Variants in CNTNAP5 observed in about 807,000 individuals in gnomAD.
The protein encoded by CNTNAP5 is contactin associated protein family member 5.
CNTNAP5 carries 72 observed loss-of-function variants against 150.2 expected under a neutral mutation model. The observed-to-expected ratio is 0.48, with a 90% CI of 0.40 to 0.58. CNTNAP5 has a LOEUF of 0.58. Ranked by LOEUF, CNTNAP5 falls within the 20% of genes least tolerant of loss-of-function variation. The probability of loss-of-function intolerance (pLI) is 0.00; values close to 1 mark genes in which losing one functional copy is unlikely to be tolerated. For missense variants in CNTNAP5, 1,636 were observed against 1,626.2 expected, an observed-to-expected ratio of 1.01 and a Z score of -0.10; for synonymous variants, 672 against 619.8, an observed-to-expected ratio of 1.08 and a Z score of -1.25.
intron 13 of CNTNAP5, among the ~76,000 whole-genome samples, chr2:124,736,584 G>A (rs1044033498): frequency 4.6e-5 from 7 of 152,070 alleles, no homozygotes; most frequent in Non-Finnish European, 1.0e-4. Context: ...CTCATTCTAT[G>A]CCACACTTAT....
intron 1 of CNTNAP5, among the ~76,000 whole-genome samples, chr2:124,183,453 A>C (rs370855614): frequency 2.0e-4 from 31 of 152,214 alleles, no homozygotes; most frequent in African/African-American, 5.3e-4. Context: ...GTTGAGAATG[A>C]GATGTATATT....
chr2:124,430,165 G>A (rs955094160), intron 4 of CNTNAP5, among the ~76,000 whole-genome samples: 1 of 152,088 alleles, frequency 6.6e-6, no homozygotes, highest in African/African-American at 2.4e-5. Context: ...GGTGGGAACC[G>A]ACAGATGAGC....
intron 3 of CNTNAP5, among the ~76,000 whole-genome samples, chr2:124,284,858 G>T (rs990275693): frequency 2.6e-5 from 4 of 152,122 alleles, no homozygotes; most frequent in African/African-American, 9.7e-5. Flanking sequence ...AAGAACACAT[G>T]AGTCAGTGGG....
intron 18 of CNTNAP5, among the ~76,000 whole-genome samples, chr2:124,797,810 G>T (rs546377684): frequency 1.8e-4 from 28 of 152,226 alleles, no homozygotes; most frequent in Admixed American, 3.3e-4. Flanking sequence ...TTTTGCAGAT[G>T]TATGTAGAGC....
At chr2:124,745,887 C>T (rs1390352920) in intron 13 of CNTNAP5, among the ~76,000 whole-genome samples, 1 of 152,168 alleles carries the variant, frequency 6.6e-6, no homozygotes, top group Non-Finnish European at 1.5e-5. Flanking sequence ...TGCCTGGTCT[C>T]TTCCTACTTA....
intron 3 of CNTNAP5, among the ~76,000 whole-genome samples, chr2:124,342,832 A>G (rs976404292): frequency 3.4e-5 from 5 of 148,534 alleles, no homozygotes; most frequent in African/African-American, 4.9e-5. Context: ...TTTCAAACAG[A>G]AAGTTGTAAA....
chr2:124,612,478 G>T (rs538873217), intron 12 of CNTNAP5, among the ~76,000 whole-genome samples: 1 of 152,096 alleles, frequency 6.6e-6, no homozygotes, highest in Middle Eastern at 3.4e-3. Flanking sequence ...TGATACATAG[G>T]TTTCATGTAC....
intron 8 of CNTNAP5, among the ~76,000 whole-genome samples, chr2:124,522,110 G>A (rs1481339169): frequency 6.6e-6 from 1 of 152,146 alleles, no homozygotes; most frequent in Non-Finnish European, 1.5e-5. Context: ...AAATACAGCT[G>A]GGCTCCAAGC....
At chr2:124,171,774 A>G (rs1209872326) in intron 1 of CNTNAP5, among the ~76,000 whole-genome samples, 1 of 152,158 alleles carries the variant, frequency 6.6e-6, no homozygotes, top group Non-Finnish European at 1.5e-5. Flanking sequence ...AATGGTCCAG[A>G]AAGGATTTCT....
intron 13 of CNTNAP5, among the ~76,000 whole-genome samples, chr2:124,728,198 T>G (rs1383496177): frequency 1.3e-5 from 2 of 152,070 alleles, no homozygotes; most frequent in Non-Finnish European, 2.9e-5. Flanking sequence ...TTACTAGTAT[T>G]CTATCGAGGA....
intron 1 of CNTNAP5, among the ~76,000 whole-genome samples, chr2:124,128,941 T>C (rs1035781657): frequency 3.9e-5 from 6 of 152,080 alleles, no homozygotes; most frequent in Admixed American, 2.6e-4. Context: ...GGGATAGCAC[T>C]AGGAGATAAA....
chr2:124,174,735 T>C (rs1685020179), intron 1 of CNTNAP5, among the ~76,000 whole-genome samples: 1 of 152,200 alleles, frequency 6.6e-6, no homozygotes, highest in South Asian at 2.1e-4. Context: ...TGAGAGGATT[T>C]ACTCAAATTT....
At chr2:124,183,460 T>C (rs1685255773) in intron 1 of CNTNAP5, among the ~76,000 whole-genome samples, 1 of 152,220 alleles carries the variant, frequency 6.6e-6, no homozygotes, top group Non-Finnish European at 1.5e-5. Flanking sequence ...ATGAGATGTA[T>C]ATTCAATGTG....
chr2:124,267,724 A>G (rs915309550), intron 3 of CNTNAP5, among the ~76,000 whole-genome samples: 1 of 152,216 alleles, frequency 6.6e-6, no homozygotes, highest in African/African-American at 2.4e-5. Flanking sequence ...TTTTTCTAAT[A>G]TGCAGCTTTG....
At chr2:124,607,263 A>G (rs1677257561) in intron 11 of CNTNAP5, among the ~76,000 whole-genome samples, 1 of 152,250 alleles carries the variant, frequency 6.6e-6, no homozygotes, top group East Asian at 1.9e-4. Flanking sequence ...AGATGTCCAC[A>G]GGGCTGCTTT....
At chr2:124,662,323 T>C (rs970020573) in intron 13 of CNTNAP5, among the ~76,000 whole-genome samples, 1 of 152,220 alleles carries the variant, frequency 6.6e-6, no homozygotes, top group African/African-American at 2.4e-5. Flanking sequence ...GAATGATTTA[T>C]AATCCTTTGG....
At chr2:124,884,812 C>A (rs1678045367) in intron 21 of CNTNAP5, among the ~76,000 whole-genome samples, 1 of 151,966 alleles carries the variant, frequency 6.6e-6, no homozygotes, top group South Asian at 2.1e-4. Context: ...GTAATAACCC[C>A]TCAGTCTCAT....
At chr2:124,394,628 G>A (rs992213986) in intron 3 of CNTNAP5, among the ~76,000 whole-genome samples, 1 of 152,144 alleles carries the variant, frequency 6.6e-6, no homozygotes, top group Non-Finnish European at 1.5e-5. Context: ...GGACCCACAA[G>A]TAATTGACAT....
chr2:124,451,045 A>ATATATATAT lies in CNTNAP5; in HGVS notation c.918+4108_918+4109insTATATATAT, dbSNP rs1287236471. Among the ~76,000 whole-genome samples the ATATATATAT allele has an allele frequency of 1.1e-4, 8 of 75,312 alleles. No homozygotes were observed. In the South Asian group the frequency reaches 1.4e-3, roughly 13 times the overall value. 49.4% of individuals were successfully genotyped at this position (75,312 alleles called of 152,430 possible). On this transcript the variant is annotated intron_variant, in intron 6 of 23. Coordinates refer to ENST00000682447, the MANE Select transcript of CNTNAP5 (RefSeq NM_001367498.1). ...CATGTCTCTTAAAAAAAAAAAAAAA[A>ATATATATAT]AAAAAAATATATATATATATATATA...
Sources: gnomAD v4.1 joint callset for allele counts (sites outside exome capture counted in the v4.1 genomes callset) on GRCh38, gnomAD v4.1.1 for gene constraint, MANE v1.5 for transcripts, NCBI Gene and HGNC (gene_info 2026-07-23, HGNC 2026-07-21) for gene names.